TRMT11: variants seen among roughly 807,000 people sequenced by gnomAD.
TRMT11 encodes the protein tRNA methyltransferase 11.
A neutral mutation model predicts 62.8 loss-of-function variants in TRMT11; 53 were observed. The observed-to-expected ratio is 0.84, with a 90% CI of 0.68 to 1.06. TRMT11 has a LOEUF of 1.06. Among genes scored for constraint, TRMT11 ranks in the 50% least tolerant of loss-of-function variants. The pLI is 0.00. For missense variants in TRMT11, 556 were observed against 553.4 expected (o/e 1.00, Z -0.05); for synonymous variants, 188 against 190.3 (o/e 0.99, Z 0.10).
At chr6:126,131,235 G>A (rs1402134355) in intron 21 of TRMT11, among the ~76,000 whole-genome samples, 1 of 152,022 alleles carries the variant, frequency 6.6e-6, no homozygotes, top group Non-Finnish European at 1.5e-5. Context: ...CTGGACAAGA[G>A]AATTGGTGTT....
chr6:126,198,011 G>T (rs990334186), intron 1 of TRMT11, among the ~76,000 whole-genome samples: 1 of 152,100 alleles, frequency 6.6e-6, no homozygotes, highest in Non-Finnish European at 1.5e-5. Flanking sequence ...CAGTCAACTT[G>T]ATCTGGAGTG....
chr6:126,159,335 A>G (rs553196161), intron 21 of TRMT11, among the ~76,000 whole-genome samples: 1 of 152,242 alleles, frequency 6.6e-6, no homozygotes, highest in African/African-American at 2.4e-5. Context: ...CTCTGTCATG[A>G]CTATGGTACT....
At chr6:126,191,066 C>T (rs1054483269) in intron 1 of TRMT11, among the ~76,000 whole-genome samples, 1 of 152,088 alleles carries the variant, frequency 6.6e-6, no homozygotes, top group Non-Finnish European at 1.5e-5. Flanking sequence ...CACTGTATGA[C>T]CATTAACTTT....
chr6:126,125,988 C>T (rs1226696061), intron 21 of TRMT11, among the ~76,000 whole-genome samples: 1 of 152,116 alleles, frequency 6.6e-6, no homozygotes, highest in African/African-American at 2.4e-5. Flanking sequence ...GGGCCACTTT[C>T]CTACATGATA....
At chr6:126,034,140 G>C (rs1774722136) in intron 12 of TRMT11, among the ~76,000 whole-genome samples, 1 of 151,896 alleles carries the variant, frequency 6.6e-6, no homozygotes, top group African/African-American at 2.4e-5. Flanking sequence ...AAAAAAAAGA[G>C]AATCACAATG....
intron 21 of TRMT11, among the ~76,000 whole-genome samples, chr6:126,135,919 CT>C (rs1263555985): frequency 8.6e-5 from 13 of 151,716 alleles, no homozygotes; most frequent in African/African-American, 2.9e-4. Flanking sequence ...TGAAAAAGCA[CT>C]TGATAAAATT....
the TRMT11 span, among the ~76,000 whole-genome samples, chr6:126,227,414 C>T: frequency 6.6e-6 from 1 of 152,194 alleles, no homozygotes; most frequent in African/African-American, 2.4e-5. Flanking sequence ...CCATAAGAGA[C>T]TCCCACTGAA....
chr6:126,008,721 A>G, intron 8 of TRMT11: 1 of 659,024 alleles, frequency 1.5e-6, no homozygotes, highest in South Asian at 1.5e-5. Context: ...CTTCATGAAT[A>G]GTAAATCTAT....
chr6:126,073,136 G>T (rs1275253555), intron 17 of TRMT11, among the ~76,000 whole-genome samples: 1 of 152,182 alleles, frequency 6.6e-6, no homozygotes, highest in Non-Finnish European at 1.5e-5. Context: ...CTATGCCTCT[G>T]TGAAAGGCAT....
the TRMT11 span, among the ~76,000 whole-genome samples, chr6:126,218,549 A>G: frequency 6.6e-6 from 1 of 152,166 alleles, no homozygotes; most frequent in African/African-American, 2.4e-5. Context: ...GGGCCTCAGG[A>G]TTCTGCCTGG....
At chr6:126,077,702 C>T (rs1777060985) in intron 17 of TRMT11, among the ~76,000 whole-genome samples, 1 of 152,198 alleles carries the variant, frequency 6.6e-6, no homozygotes, top group Non-Finnish European at 1.5e-5. Flanking sequence ...TGAGGATATT[C>T]TTCGTGCTAC....
At chr6:126,171,082 T>C (rs1482447616) in intron 21 of TRMT11, among the ~76,000 whole-genome samples, 2 of 152,108 alleles carry the variant, frequency 1.3e-5, no homozygotes, top group Non-Finnish European at 2.9e-5. Flanking sequence ...CTTTTGGTTG[T>C]GAGGTAAGTA....
intron 17 of TRMT11, among the ~76,000 whole-genome samples, chr6:126,064,100 GAA>G (rs1253939426): frequency 6.6e-6 from 1 of 152,074 alleles, no homozygotes; most frequent in Non-Finnish European, 1.5e-5. Context: ...TTGGTGAGGA[GAA>G]GTTAGGAGAA....
chr6:126,059,045 CTTTTTTTTT>C (rs1036996695), intron 17 of TRMT11, among the ~76,000 whole-genome samples: 36 of 128,120 alleles, frequency 2.8e-4, no homozygotes, highest in African/African-American at 1.1e-3. Flanking sequence ...CTCTACTTAT[CTTTTTTTTT>C]TTTTTTTTTT....
At chr6:126,235,425 T>G in the TRMT11 span, among the ~76,000 whole-genome samples, 4 of 152,236 alleles carry the variant, frequency 2.6e-5, no homozygotes, top group Non-Finnish European at 5.9e-5. Flanking sequence ...GCAGCACTAT[T>G]CACAATAACA....
the TRMT11 span, among the ~76,000 whole-genome samples, chr6:126,243,203 A>G: frequency 6.3e-4 from 96 of 152,382 alleles, no homozygotes; most frequent in African/African-American, 2.1e-3. Context: ...ATCACTGGCC[A>G]TCAGAGAAAT....
chr6:126,091,717 T>C (rs1267606134), intron 17 of TRMT11, among the ~76,000 whole-genome samples: 2 of 152,168 alleles, frequency 1.3e-5, no homozygotes, highest in African/African-American at 2.4e-5. Flanking sequence ...GCAACTCTAT[T>C]GTTTGCATAG....
chr6:126,143,799 AG>A (rs1777945361), intron 21 of TRMT11, among the ~76,000 whole-genome samples: 1 of 152,176 alleles, frequency 6.6e-6, no homozygotes, highest in South Asian at 2.1e-4. Context: ...TGCATACATA[AG>A]CTTTGTGCTG....
At chr6:126,165,952 C>T (rs1013069025) in intron 21 of TRMT11, among the ~76,000 whole-genome samples, 3 of 152,136 alleles carry the variant, frequency 2.0e-5, no homozygotes, top group Non-Finnish European at 4.4e-5. Flanking sequence ...TTCACATAGT[C>T]CCATATTTCT....
Sources: allele counts gnomAD v4.1 joint callset (sites outside exome capture counted in the v4.1 genomes callset), GRCh38; gene constraint gnomAD v4.1.1; transcripts MANE v1.5; gene names NCBI Gene and HGNC (gene_info 2026-07-23, HGNC 2026-07-21).